Variants in MLLT10 observed in about 807,000 individuals in gnomAD.
The protein encoded by MLLT10 is protein AF-10.
In MLLT10, 30 loss-of-function variants were observed where a neutral mutation model predicts 129.1. The ratio of observed to expected loss-of-function variants is 0.23; its 90% CI spans 0.17 to 0.32. The LOEUF (loss-of-function observed/expected upper bound fraction) is 0.32. MLLT10 is among the 10% of genes least tolerant of loss of function. The pLI, the probability that MLLT10 is intolerant of heterozygous loss-of-function variation, is 1.00. For missense variants in MLLT10, 1,119 were observed against 1,268.3 expected (o/e 0.88, Z 1.79); for synonymous variants, 490 against 446.4 (o/e 1.10, Z -1.23).
intron 16 of MLLT10, 97 bp downstream of exon 16, chr10:21,728,025 T>C (rs1564732525): frequency 1.1e-6 from 1 of 889,686 alleles, no homozygotes; most frequent in Non-Finnish European, 1.8e-6. Flanking sequence ...TTTGTGAGGC[T>C]ATAAAAGCAT....
Position 21,732,970 on chromosome 10 carries a change from T to A in MLLT10, c.2290T>A (p.Leu764Met), listed in dbSNP as rs1228927131. Residue 764 changes from leucine (L) to methionine (M), a missense_variant, in exon 18 of 23, where the codon TTG (leucine) becomes ATG (methionine). Physicochemically the swap from Leu to Met is conservative, Grantham distance 15 (BLOSUM62 2). Coordinates refer to ENST00000307729, the MANE Select transcript of MLLT10 (RefSeq NM_001195626.3). ...AAGATTAGAGGAACAAATTAAAAAC[T>A]TGACTGCCAAAAAGGAACGGCTTCA... The part of the protein sequence containing the change: ...NRRLEEQIKN[L>M]TAKKERLQLL... 1 of 1,614,042 alleles carries A rather than the reference T, an allele frequency of 6.2e-7. No individual in the cohort carries two copies. The highest frequency in any genetic ancestry group is 1.7e-5 in the Admixed American group (1 of 60,008).
intron 13 of MLLT10, among the ~76,000 whole-genome samples, chr10:21,707,276 T>C (rs984431627): frequency 6.7e-6 from 1 of 148,338 alleles, no homozygotes; most frequent in African/African-American, 2.5e-5. Flanking sequence ...CACTGCAAGC[T>C]CCGCCTCCCG....
chr10:21,717,482 T>TTCCTCCTCCTCCTCC (rs766780330), intron 14 of MLLT10, among the ~76,000 whole-genome samples: 3 of 115,354 alleles, frequency 2.6e-5, no homozygotes, highest in East Asian at 5.4e-4. Context: ...TATTCTTATA[T>TTCCTCCTCCTCCTCC]TCCTCCTCCT....
rs972930917 is a variant in MLLT10 at position 21,713,919 on chromosome 10, C to T, written c.1847C>T (p.Ser616Leu). The T allele has an allele frequency of 1.9e-6, 3 of 1,613,380 alleles. No homozygotes were observed. Among genetic ancestry groups the T allele is most frequent in the African/African-American group, 2.7e-5 (2 of 74,876 alleles). Residue 616 changes from serine to leucine, a missense_variant, in exon 14 of 23, where the codon TCA becomes TTA. Coordinates refer to ENST00000307729, the MANE Select transcript of MLLT10 (RefSeq NM_001195626.3). ...QVGALSPSAV[S>L]SAAPAVATTQ... The stretch of plus-strand genomic sequence containing the variant: ...GGAGCGCTCTCTCCCTCAGCTGTGT[C>T]ATCTGCAGCCCCTGCTGTTGCTACA...
intron 3 of MLLT10, among the ~76,000 whole-genome samples, chr10:21,553,675 A>G (rs2037451271): frequency 6.7e-6 from 1 of 148,150 alleles, no homozygotes. Context: ...TTTTTCAGAC[A>G]GGGCCTCTCT....
At chr10:21,540,287 G>T (rs552792658) in intron 3 of MLLT10, among the ~76,000 whole-genome samples, 1 of 152,184 alleles carries the variant, frequency 6.6e-6, no homozygotes, top group African/African-American at 2.4e-5. Flanking sequence ...CTACTCTGGG[G>T]GCTAAGACGG....
At chr10:21,566,077 A>G in intron 3 of MLLT10, among the ~76,000 whole-genome samples, 1 of 146,550 alleles carries the variant, frequency 6.8e-6, no homozygotes, top group East Asian at 2.1e-4. Context: ...CTCAGCCTCC[A>G]GAGTAGCTAT....
intron 11 of MLLT10, among the ~76,000 whole-genome samples, chr10:21,678,465 TG>T (rs1219050961): frequency 6.6e-6 from 1 of 152,140 alleles, no homozygotes; most frequent in Non-Finnish European, 1.5e-5. Flanking sequence ...ATTATTAAGT[TG>T]GAAAAGATCA....
At chr10:21,551,874 A>G (rs2037104972) in intron 3 of MLLT10, 1 of 367,234 alleles carries the variant, frequency 2.7e-6, no homozygotes, top group South Asian at 1.9e-5. Context: ...AGCCCACTGC[A>G]ACCTCTGCTC....
intron 3 of MLLT10, among the ~76,000 whole-genome samples, chr10:21,558,537 TC>T (rs1205225658): frequency 6.6e-6 from 1 of 151,526 alleles, no homozygotes; most frequent in Non-Finnish European, 1.5e-5. Context: ...AGTTTCTTCT[TC>T]TTTTTTTTTT....
At chr10:21,569,851 C>T (rs2040010841) in intron 3 of MLLT10, among the ~76,000 whole-genome samples, 1 of 152,092 alleles carries the variant, frequency 6.6e-6, no homozygotes, top group Non-Finnish European at 1.5e-5. Flanking sequence ...CTTAGCCTTC[C>T]CGAGTAGCTA....
At chr10:21,634,648 T>G (rs1299089172) in intron 8 of MLLT10, among the ~76,000 whole-genome samples, 7 of 152,248 alleles carry the variant, frequency 4.6e-5, no homozygotes, top group Non-Finnish European at 1.0e-4. Flanking sequence ...ATGTGATGAT[T>G]TTCTGTTTCT....
chr10:21,682,455 T>A (rs2052839590), intron 13 of MLLT10, among the ~76,000 whole-genome samples, 198 bp downstream of exon 13: 1 of 152,224 alleles, frequency 6.6e-6, no homozygotes, highest in Admixed American at 6.5e-5. Context: ...GTTCATCAGT[T>A]TGGCTTTTAT....
At chr10:21,622,684 C>T (rs2046002431) in intron 8 of MLLT10, among the ~76,000 whole-genome samples, 1 of 152,182 alleles carries the variant, frequency 6.6e-6, no homozygotes, top group Non-Finnish European at 1.5e-5. Context: ...TGCTGCTGTT[C>T]TATAAGTTCA....
chr10:21,688,782 A>C (rs2053543853), intron 13 of MLLT10, among the ~76,000 whole-genome samples: 1 of 152,080 alleles, frequency 6.6e-6, no homozygotes. Context: ...GAATTCCTGA[A>C]ACTGTTTACT....
intron 9 of MLLT10, among the ~76,000 whole-genome samples, chr10:21,665,430 A>G (rs920344460): frequency 2.0e-5 from 3 of 151,598 alleles, no homozygotes; most frequent in Non-Finnish European, 4.4e-5. Context: ...CTGGGATTAC[A>G]GGTATGTGCC....
chr10:21,668,912 A>G (rs776032023), intron 9 of MLLT10: 6 of 1,226,928 alleles, frequency 4.9e-6, no homozygotes, highest in Non-Finnish European at 6.2e-6. Flanking sequence ...TTTAAACTTC[A>G]CTAGGTCATG....
intron 8 of MLLT10, among the ~76,000 whole-genome samples, chr10:21,621,308 G>T (rs569313002): frequency 7.4e-6 from 1 of 134,390 alleles, no homozygotes; most frequent in African/African-American, 2.9e-5. Flanking sequence ...GCAGTGGCGC[G>T]ATCTGGGCTT....
chr10:21,655,822 C>A (rs939893930), intron 9 of MLLT10, among the ~76,000 whole-genome samples: 1 of 152,058 alleles, frequency 6.6e-6, no homozygotes, highest in Non-Finnish European at 1.5e-5. Flanking sequence ...CAGGGTCGAT[C>A]TAAGTTTTTG....
Sources: allele counts gnomAD v4.1 joint callset (sites outside exome capture counted in the v4.1 genomes callset), GRCh38; gene constraint gnomAD v4.1.1; transcripts MANE v1.5; gene names NCBI Gene and HGNC (gene_info 2026-07-23, HGNC 2026-07-21).